Variants in FILIP1L observed in about 807,000 individuals in gnomAD.
FILIP1L encodes the protein filamin A-interacting protein 1-like.
A neutral mutation model predicts 96.6 loss-of-function variants in FILIP1L; 55 were observed. That is an observed-to-expected ratio of 0.57 (90% CI 0.46 to 0.71). FILIP1L has a LOEUF of 0.71. Ranked by LOEUF, FILIP1L falls within the 30% of genes least tolerant of loss-of-function variation. FILIP1L has a pLI of 0.00. For missense variants in FILIP1L, 1,304 were observed against 1,321.2 expected (o/e 0.99, Z 0.20); for synonymous variants, 467 against 473.9 (o/e 0.99, Z 0.19).
At chr3:99,887,941 T>C (rs1705962522) in intron 4 of FILIP1L, among the ~76,000 whole-genome samples, 1 of 152,036 alleles carries the variant, frequency 6.6e-6, no homozygotes, top group Non-Finnish European at 1.5e-5. Flanking sequence ...GGTTTTGCCA[T>C]GTTGCCCAGG....
At chr3:100,057,565 T>C (rs1195368038) in intron 1 of FILIP1L, among the ~76,000 whole-genome samples, 1 of 152,218 alleles carries the variant, frequency 6.6e-6, no homozygotes, top group African/African-American at 2.4e-5. Flanking sequence ...TCTGTAAAAG[T>C]CTGCTCCCCT....
At chr3:99,915,190 C>T (rs375160309) in intron 4 of FILIP1L, among the ~76,000 whole-genome samples, 49 of 152,238 alleles carry the variant, frequency 3.2e-4, no homozygotes, top group African/African-American at 1.2e-3. Context: ...CATGACCATG[C>T]TAACCGAAGG....
At chr3:99,954,324 C>T (rs1471246058) in intron 1 of FILIP1L, among the ~76,000 whole-genome samples, 5 of 152,222 alleles carry the variant, frequency 3.3e-5, no homozygotes, top group African/African-American at 1.2e-4. Flanking sequence ...GTATAATATT[C>T]ATGCTAGACA....
intron 1 of FILIP1L, among the ~76,000 whole-genome samples, chr3:100,057,719 C>T (rs530376466): frequency 6.6e-6 from 1 of 152,276 alleles, no homozygotes; most frequent in South Asian, 2.1e-4. Flanking sequence ...TTCATAAATG[C>T]ATGCATTTGG....
chr3:99,957,350 G>C (rs1385140311), intron 1 of FILIP1L, among the ~76,000 whole-genome samples: 1 of 152,052 alleles, frequency 6.6e-6, no homozygotes, highest in African/African-American at 2.4e-5. Flanking sequence ...GTTGAAGAAA[G>C]CCAACCCAAC....
At chr3:100,090,260 A>G (rs2107430735) in intron 1 of FILIP1L, among the ~76,000 whole-genome samples, 1 of 152,294 alleles carries the variant, frequency 6.6e-6, no homozygotes, top group South Asian at 2.1e-4. Context: ...CAAGATTCAA[A>G]TTTAACTGTC....
At position 99,849,441 on chromosome 3, in the gene FILIP1L, G is replaced by A. The variant is rs13353487; in HGVS notation, c.2235C>T (p.Val745=). The A allele has an allele frequency of 8.9e-4, 1,433 of 1,613,906 alleles. 10 individuals are homozygous for A. The African/African-American group carries it at 0.017, about 19-fold the overall frequency. The change falls in exon 5 of 6, where the codon GTC becomes GTT. Residue 745 remains valine, a synonymous_variant. Coordinates refer to ENST00000477258, the MANE Select transcript of FILIP1L (RefSeq NM_001387850.1). ...CTTGTTGATTTAGTTTTTTTTGCAGGACTGAGTGATCTCCCTGGAGGTGAC... is the reference window on the plus strand; with the variant it reads ...CTTGTTGATTTAGTTTTTTTTGCAGAACTGAGTGATCTCCCTGGAGGTGAC... ...LICHLQGDHS[V]LQKKLNQQEN...
intron 4 of FILIP1L, among the ~76,000 whole-genome samples, chr3:99,883,710 C>T (rs989894929): frequency 4.6e-5 from 7 of 152,122 alleles, no homozygotes; most frequent in African/African-American, 1.7e-4. Context: ...TGTATGACTT[C>T]ATTGTTATAA....
chr3:100,005,058 C>A (rs140281833), intron 1 of FILIP1L, among the ~76,000 whole-genome samples: 1 of 152,094 alleles, frequency 6.6e-6, no homozygotes, highest in Non-Finnish European at 1.5e-5. Flanking sequence ...TGCAGCAGGA[C>A]GTAACCAGAA....
At chr3:100,021,949 GT>G (rs2064827876) in intron 1 of FILIP1L, among the ~76,000 whole-genome samples, 1 of 130,714 alleles carries the variant, frequency 7.7e-6, no homozygotes. Flanking sequence ...GTGTGTGTGT[GT>G]GTGTGTGTGT....
intron 1 of FILIP1L, among the ~76,000 whole-genome samples, chr3:100,107,934 A>G (rs1576071162): frequency 6.6e-6 from 1 of 151,998 alleles, no homozygotes; most frequent in Non-Finnish European, 1.5e-5. Flanking sequence ...GGGAAGGGAA[A>G]AGGATGTTTC....
intron 1 of FILIP1L, chr3:100,025,357 C>A (rs2064899203): frequency 6.6e-6 from 1 of 152,154 alleles, no homozygotes; most frequent in African/African-American, 2.4e-5. Flanking sequence ...ACCGTATTTG[C>A]TAACTTTCCT....
In FILIP1L at chr3:100,114,283, A is replaced by G. The variant is rs939741254; in HGVS notation, c.-241T>C. On this transcript the variant is annotated 5_prime_UTR_variant, in exon 1 of 6. Transcript: ENST00000477258. ...GGGAGCCCAACAACAAGTAGGCCCA[A>G]ACACTAAATATTGCCCTCTTCCCTC... 4 of 151,538 alleles carry G rather than the reference A, an allele frequency of 2.6e-5. No homozygotes were observed. Among genetic ancestry groups the G allele is most frequent in the African/African-American group, 9.7e-5 (4 of 41,184 alleles). The allele number at this position is 151,538 out of a possible 1,614,324, so 9.4% of individuals were successfully genotyped here.
chr3:100,030,293 A>G (rs2065002119), intron 1 of FILIP1L, among the ~76,000 whole-genome samples: 2 of 152,160 alleles, frequency 1.3e-5, no homozygotes, highest in Non-Finnish European at 2.9e-5. Flanking sequence ...AAAGGGATCT[A>G]TGCCACCAGA....
intron 1 of FILIP1L, among the ~76,000 whole-genome samples, chr3:100,104,525 T>G (rs1042954589): frequency 6.6e-6 from 1 of 152,196 alleles, no homozygotes; most frequent in African/African-American, 2.4e-5. Context: ...AACAATGGCT[T>G]GGAACATAGG....
intron 4 of FILIP1L, among the ~76,000 whole-genome samples, chr3:99,904,253 G>A (rs1166468817): frequency 2.0e-5 from 3 of 152,314 alleles, no homozygotes; most frequent in African/African-American, 7.2e-5. Flanking sequence ...ATTAGAATGT[G>A]CTTATTTTAT....
intron 1 of FILIP1L, among the ~76,000 whole-genome samples, chr3:100,010,857 G>A (rs1160795579): frequency 1.4e-5 from 2 of 139,646 alleles, no homozygotes; most frequent in Non-Finnish European, 3.0e-5. Context: ...TCGAACTCCT[G>A]ACCTCATGAT....
chr3:100,088,412 A>C (rs542563108), intron 1 of FILIP1L, among the ~76,000 whole-genome samples: 1 of 152,376 alleles, frequency 6.6e-6, no homozygotes, highest in South Asian at 2.1e-4. Context: ...GTCAGAGGAA[A>C]TATATGAAGA....
intron 4 of FILIP1L, among the ~76,000 whole-genome samples, chr3:99,896,021 C>T (rs562772187): frequency 6.6e-6 from 1 of 152,188 alleles, no homozygotes; most frequent in South Asian, 2.1e-4. Context: ...AGGGAACTGC[C>T]ACGGTTCCAT....
Sources: gnomAD v4.1 joint callset for allele counts (sites outside exome capture counted in the v4.1 genomes callset) on GRCh38, gnomAD v4.1.1 for gene constraint, MANE v1.5 for transcripts, NCBI Gene and HGNC (gene_info 2026-07-23, HGNC 2026-07-21) for gene names.